Variants in APC observed in about 807,000 individuals in gnomAD.
The protein encoded by APC is adenomatous polyposis coli protein.
A neutral mutation model predicts 247.0 loss-of-function variants in APC; 72 were observed. That is an observed-to-expected ratio of 0.29 (90% CI 0.24 to 0.35). The LOEUF (loss-of-function observed/expected upper bound fraction) is 0.35. Ranked by LOEUF, APC falls within the 10% of genes least tolerant of loss-of-function variation. The pLI is 1.00. For synonymous variants in APC, 1,254 were observed against 1,162.5 expected (o/e 1.08, Z -1.60); for missense variants, 3,400 against 3,360.7 (o/e 1.01, Z -0.29).
At chr5:112,792,593 CAT>C in intron 7 of APC, 64 bp downstream of exon 7, 3 of 1,197,904 alleles carry the variant, frequency 2.5e-6, no homozygotes, top group East Asian at 2.4e-5. Context: ...GAAAAGAAAA[CAT>C]GTATAATTTA....
At chr5:112,818,679 T>G (rs893405613) in intron 9 of APC, among the ~76,000 whole-genome samples, 1 of 152,290 alleles carries the variant, frequency 6.6e-6, no homozygotes, top group South Asian at 2.1e-4. Context: ...CAAACAGCAC[T>G]AACAGTTTGT....
intron 9 of APC, 23 bp downstream of exon 9, chr5:112,815,616 G>A (rs2149764410): frequency 6.4e-7 from 1 of 1,566,598 alleles, no homozygotes; most frequent in Non-Finnish European, 8.8e-7. Context: ...TACAAACCCT[G>A]GTCACTAATG....
At chr5:112,724,655 C>T (rs1751675570) in intron 1 of APC, among the ~76,000 whole-genome samples, 1 of 152,030 alleles carries the variant, frequency 6.6e-6, no homozygotes. Flanking sequence ...TTAGGGAAGG[C>T]TTTTGGGAGA....
chr5:112,773,327 C>G (rs544973213), intron 4 of APC, among the ~76,000 whole-genome samples: 9 of 152,276 alleles, frequency 5.9e-5, no homozygotes, highest in Admixed American at 2.0e-4. Flanking sequence ...GGGAACGTCT[C>G]TCTGTATGAC....
At chr5:112,833,408 C>G (rs1393333148) in intron 14 of APC, among the ~76,000 whole-genome samples, 1 of 151,998 alleles carries the variant, frequency 6.6e-6, no homozygotes, top group Non-Finnish European at 1.5e-5. Context: ...GTCTCGATCT[C>G]CTGACCTCGT....
chr5:112,735,946 T>C (rs1229383736), upstream of APC, among the ~76,000 whole-genome samples: 1 of 152,196 alleles, frequency 6.6e-6, no homozygotes, highest in Non-Finnish European at 1.5e-5. Flanking sequence ...TACTAAATAA[T>C]AGCTTGTATC....
rs377308875 is a variant in APC at position 112,842,699 on chromosome 5, C to T, written c.7105C>T (p.Pro2369Ser). ...SGSGKMSYTSPGRQMSQQNLT... is the reference protein window; with the variant it reads ...SGSGKMSYTSSGRQMSQQNLT... ...TTCTGGAAAAATGTCATATACATCT[C>T]CAGGTAGACAGATGAGCCAACAGAA... The change falls in exon 16 of 16, where the codon CCA becomes TCA. Residue 2369 changes from proline to serine, a missense_variant. Physicochemically the swap from Pro to Ser is moderately conservative, Grantham distance 74. Transcript: ENST00000257430. The T allele has an allele frequency of 1.4e-5, 23 of 1,613,116 alleles. No homozygotes were observed. The highest frequency in any genetic ancestry group is 1.8e-5 in the Non-Finnish European group (21 of 1,179,254).
chr5:112,771,393 T>G (rs1757030891), intron 4 of APC, among the ~76,000 whole-genome samples: 1 of 152,204 alleles, frequency 6.6e-6, no homozygotes, highest in Non-Finnish European at 1.5e-5. Context: ...GCTACAAGAC[T>G]GTCATACCAC....
chr5:112,843,951 A>C lies in APC; in HGVS notation c.8357A>C (p.Tyr2786Ser), dbSNP rs2150003902. The C allele has an allele frequency of 6.2e-7, 1 of 1,609,480 alleles. No homozygotes were observed. The highest frequency in any genetic ancestry group is 8.5e-7 in the Non-Finnish European group (1 of 1,177,296). The change falls in exon 16 of 16, where the codon TAC becomes TCC. Residue 2786 changes from tyrosine (Y) to serine (S), a missense_variant. Tyr to Ser is a moderately radical substitution (Grantham distance 144). This residue lies in a region of APC where 1,788 missense variants were observed against 1,649.5 expected (regional missense o/e 1.08). Coordinates refer to ENST00000257430, the MANE Select transcript of APC (RefSeq NM_000038.6). This position sits in a 1 kb window ranked among gnomAD's most constrained non-coding sequence, Gnocchi z 4.8. ...GCTGCCAGAGTGACTCCTTTTAATT[A>C]CAACCCAAGCCCTAGGAAAAGCAGC... is the stretch of plus-strand genomic sequence containing the variant. ...TVAARVTPFN[Y>S]NPSPRKSSAD...
intron 4 of APC, among the ~76,000 whole-genome samples, chr5:112,774,778 C>T (rs1427846275): frequency 7.2e-5 from 11 of 151,830 alleles, no homozygotes; most frequent in Non-Finnish European, 2.9e-5. Flanking sequence ...CACCTGGCCC[C>T]CAGGATCAAT....
chr5:112,797,208 A>C (rs1760301637), intron 7 of APC, among the ~76,000 whole-genome samples: 1 of 152,180 alleles, frequency 6.6e-6, no homozygotes, highest in Admixed American at 6.5e-5. Context: ...TAGTTTGTAA[A>C]TGTAAGCCAA....
At chr5:112,824,982 C>T (rs1763496425) in intron 11 of APC, among the ~76,000 whole-genome samples, 1 of 152,030 alleles carries the variant, frequency 6.6e-6, no homozygotes, top group South Asian at 2.1e-4. Context: ...CATTATTGAA[C>T]TGACTATGTG....
At chr5:112,771,554 C>A (rs946231121) in intron 4 of APC, among the ~76,000 whole-genome samples, 5 of 152,076 alleles carry the variant, frequency 3.3e-5, no homozygotes, top group African/African-American at 1.2e-4. Flanking sequence ...GGTTTAGGTT[C>A]AAACTCATTT....
intron 5 of APC, among the ~76,000 whole-genome samples, chr5:112,777,298 T>A (rs1757764935): frequency 6.6e-6 from 1 of 152,006 alleles, no homozygotes; most frequent in Admixed American, 6.6e-5. Context: ...AAAAAACAAG[T>A]AAGAAACCCA....
Position 112,845,266 on chromosome 5 carries a change from C to A in APC, c.*1140C>A, listed in dbSNP as rs1766885961. 4.3e-6 allele frequency: 1 copy of A among 232,562 alleles called. No homozygotes were observed. Among genetic ancestry groups the A allele is most frequent in the East Asian group, 6.1e-5 (1 of 16,418 alleles). 14.4% of individuals were successfully genotyped at this position (232,562 alleles called of 1,614,324 possible). On this transcript the variant is annotated 3_prime_UTR_variant, in exon 16 of 16. Coordinates refer to ENST00000257430, the MANE Select transcript of APC (RefSeq NM_000038.6). The stretch of plus-strand genomic sequence containing the variant: ...TTTTTTTTCTTACTCCACTGGAGCT[C>A]AGTAAAAGTAAATTCATGTAATAGC...
At chr5:112,803,514 T>C (rs1171107736) in intron 8 of APC, among the ~76,000 whole-genome samples, 3 of 152,182 alleles carry the variant, frequency 2.0e-5, no homozygotes, top group Admixed American at 2.0e-4. Context: ...TGTTTCCTCT[T>C]TAGTAAAATA....
At chr5:112,711,376 C>T (rs1392107893) in intron 1 of APC, among the ~76,000 whole-genome samples, 1 of 152,182 alleles carries the variant, frequency 6.6e-6, no homozygotes, top group Non-Finnish European at 1.5e-5. Flanking sequence ...TCCACAAAAC[C>T]ATTCCCTGGT....
chr5:112,818,131 C>T (rs1039529424), intron 9 of APC, among the ~76,000 whole-genome samples: 1 of 152,174 alleles, frequency 6.6e-6, no homozygotes, highest in Non-Finnish European at 1.5e-5. Flanking sequence ...TCAAATGTGT[C>T]CCGATGGGGG....
chr5:112,730,561 T>C (rs1193840157), intron 1 of APC, among the ~76,000 whole-genome samples: 1 of 152,228 alleles, frequency 6.6e-6, no homozygotes, highest in Non-Finnish European at 1.5e-5. Flanking sequence ...ATGCCTAACG[T>C]AATGTTTGCC....
Sources: allele counts gnomAD v4.1 joint callset (sites outside exome capture counted in the v4.1 genomes callset), GRCh38; gene constraint gnomAD v4.1.1; regional missense constraint gnomAD v4.1.1; non-coding constraint Gnocchi (gnomAD v3.1); transcripts MANE v1.5; gene names NCBI Gene and HGNC (gene_info 2026-07-23, HGNC 2026-07-21).